The following COL19A1 variants were observed in gnomAD, a reference collection of about 807,000 sequenced individuals.
The protein encoded by COL19A1 is collagen type XIX alpha 1 chain, also known as collagen alpha-1(XIX) chain.
A neutral mutation model predicts 190.2 loss-of-function variants in COL19A1; 159 were observed. The ratio of observed to expected loss-of-function variants is 0.84; its 90% CI spans 0.73 to 0.95. The LOEUF (loss-of-function observed/expected upper bound fraction) is 0.95. Among genes scored for constraint, COL19A1 ranks in the 40% least tolerant of loss-of-function variants. COL19A1 has a pLI of 0.00. For synonymous variants in COL19A1, 509 were observed against 458.9 expected (o/e 1.11, Z -1.39); for missense variants, 1,418 against 1,431.9 (o/e 0.99, Z 0.16).
intron 11 of COL19A1, among the ~76,000 whole-genome samples, chr6:70,002,326 C>A (rs2150085293): frequency 6.6e-6 from 1 of 152,098 alleles, no homozygotes; most frequent in African/African-American, 2.4e-5. Flanking sequence ...CTTAAGTTTT[C>A]TTTTTTTGTT....
At chr6:70,090,752 C>T (rs942002624) in intron 15 of COL19A1, among the ~76,000 whole-genome samples, 22 of 152,228 alleles carry the variant, frequency 1.4e-4, no homozygotes, top group African/African-American at 4.6e-4. Context: ...TAAGACGAAA[C>T]TCCTAACGGC....
intron 1 of COL19A1, among the ~76,000 whole-genome samples, chr6:69,868,046 G>A (rs1265820713): frequency 2.0e-5 from 3 of 151,596 alleles, no homozygotes; most frequent in African/African-American, 7.3e-5. Context: ...CTCTGCTGTA[G>A]GGGAATTTAC....
At chr6:70,139,228 T>A (rs1488969378) in intron 19 of COL19A1, among the ~76,000 whole-genome samples, 1 of 152,104 alleles carries the variant, frequency 6.6e-6, no homozygotes, top group Non-Finnish European at 1.5e-5. Flanking sequence ...GTGTTTCTCA[T>A]AAGCTCTCAG....
intron 11 of COL19A1, among the ~76,000 whole-genome samples, chr6:69,997,315 C>T (rs1369743378): frequency 2.6e-5 from 4 of 152,006 alleles, no homozygotes; most frequent in Non-Finnish European, 4.4e-5. Context: ...GGGGTGATCC[C>T]AACAAAGCCA....
intron 11 of COL19A1, among the ~76,000 whole-genome samples, chr6:69,996,408 A>G (rs1259041718): frequency 6.6e-6 from 1 of 152,174 alleles, no homozygotes; most frequent in Non-Finnish European, 1.5e-5. Flanking sequence ...TTTGACTGCC[A>G]GAGACATAAT....
chr6:70,027,979 T>C (rs1284184469), intron 12 of COL19A1, among the ~76,000 whole-genome samples: 1 of 152,072 alleles, frequency 6.6e-6, no homozygotes, highest in Non-Finnish European at 1.5e-5. Context: ...ATTTGCACCA[T>C]GGAATGATAA....
intron 46 of COL19A1, 75 bp downstream of exon 46, chr6:70,184,990 ATG>A: frequency 7.0e-7 from 1 of 1,422,700 alleles, no homozygotes; most frequent in Non-Finnish European, 9.7e-7. Context: ...TTACACAATT[ATG>A]TGTGTAGACC....
At chr6:69,905,607 C>T (rs1770502509) in intron 4 of COL19A1, among the ~76,000 whole-genome samples, 1 of 152,224 alleles carries the variant, frequency 6.6e-6, no homozygotes, top group Non-Finnish European at 1.5e-5. Flanking sequence ...GGATGGCCTT[C>T]CCATGTTATG....
At chr6:70,160,108 T>C (rs1335559611) in intron 34 of COL19A1, among the ~76,000 whole-genome samples, 1 of 152,122 alleles carries the variant, frequency 6.6e-6, no homozygotes, top group Non-Finnish European at 1.5e-5. Flanking sequence ...TAGTCCATTT[T>C]CACACTGCTA....
At chr6:69,921,434 A>ATTCATATAT (rs1333527522) in intron 4 of COL19A1, among the ~76,000 whole-genome samples, 106 of 78,272 alleles carry the variant, frequency 1.4e-3, no homozygotes, top group Non-Finnish European at 1.7e-3. Context: ...TATCATATAT[A>ATTCATATAT]TCATATATAT....
chr6:70,149,472 A>T (rs764232380), intron 27 of COL19A1, among the ~76,000 whole-genome samples: 1 of 152,084 alleles, frequency 6.6e-6, no homozygotes, highest in East Asian at 1.9e-4. Context: ...AATGATATAG[A>T]TGTCCCAAGT....
rs1783678762 is a variant in COL19A1 at position 70,102,218 on chromosome 6, C to T, written c.1274C>T (p.Pro425Leu). ...CCCGGAAAACCAGGACCCCCAGGACCACCTGTGAGTAAACAATACAATGAC... is the reference window on the plus strand; with the variant it reads ...CCCGGAAAACCAGGACCCCCAGGACTACCTGTGAGTAAACAATACAATGAC... The part of the protein sequence containing the change: ...GPPGKPGPPG[P>L]PGPPGIQGIH... Residue 425 changes from proline to leucine, a missense_variant, in exon 16 of 51, where the codon CCA becomes CTA. Coordinates refer to ENST00000620364, the MANE Select transcript of COL19A1 (RefSeq NM_001858.6). The T allele has an allele frequency of 1.9e-6, 3 of 1,610,812 alleles. No homozygotes were observed. The East Asian group carries it at 6.7e-5, about 36-fold the overall frequency.
intron 15 of COL19A1, among the ~76,000 whole-genome samples, chr6:70,079,155 T>G (rs1782082007): frequency 6.6e-6 from 1 of 152,192 alleles, no homozygotes; most frequent in South Asian, 2.1e-4. Flanking sequence ...GGGAGTGACA[T>G]CAAGGAGATT....
At chr6:70,182,653 C>A in intron 44 of COL19A1, among the ~76,000 whole-genome samples, 1 of 152,106 alleles carries the variant, frequency 6.6e-6, no homozygotes, top group Non-Finnish European at 1.5e-5. Context: ...GTCAAGTGAA[C>A]TGTTTTAAGA....
Position 69,898,955 on chromosome 6 carries a change from A to G in COL19A1, c.99A>G (p.Ser33=), listed in dbSNP as rs1285305591. 1 of 1,607,320 alleles carries G rather than the reference A, an allele frequency of 6.2e-7. No homozygotes were observed. The highest frequency in any genetic ancestry group is 1.3e-5 in the African/African-American group (1 of 74,754). The change falls in exon 3 of 51, where the codon TCA becomes TCG. Residue 33 remains serine (S), a synonymous_variant. Coordinates refer to ENST00000620364, the MANE Select transcript of COL19A1 (RefSeq NM_001858.6). ...TTTTTTCTTTTTAAATAGAAGAGTC[A>G]TGCCCTATCCTGAGAATAGAGGGAC... The part of the protein sequence containing the change: ...SVTVRDKTEE[S]CPILRIEGHQ...
chr6:70,192,382 A>G (rs1583136610), intron 48 of COL19A1, among the ~76,000 whole-genome samples: 2 of 151,862 alleles, frequency 1.3e-5, no homozygotes, highest in Non-Finnish European at 2.9e-5. Flanking sequence ...ACATTTGTCC[A>G]CTCTTTTGTT....
At chr6:70,133,935 C>A (rs1480823366) in intron 18 of COL19A1, among the ~76,000 whole-genome samples, 1 of 152,142 alleles carries the variant, frequency 6.6e-6, no homozygotes, top group Non-Finnish European at 1.5e-5. Context: ...TTTTGTCCTG[C>A]CCCTGTTTAC....
intron 11 of COL19A1, among the ~76,000 whole-genome samples, chr6:69,981,650 AT>A (rs1041537182): frequency 2.0e-5 from 3 of 151,812 alleles, no homozygotes; most frequent in Non-Finnish European, 4.4e-5. Flanking sequence ...TATTATATAT[AT>A]TCTTCATATT....
chr6:70,166,740 C>T (rs1765184755), intron 37 of COL19A1, among the ~76,000 whole-genome samples: 1 of 152,200 alleles, frequency 6.6e-6, no homozygotes, highest in Non-Finnish European at 1.5e-5. Context: ...ATGCTTTGTA[C>T]ACGTAAATGA....
Sources: allele counts gnomAD v4.1 joint callset (sites outside exome capture counted in the v4.1 genomes callset), GRCh38; gene constraint gnomAD v4.1.1; transcripts MANE v1.5; gene names NCBI Gene and HGNC (gene_info 2026-07-23, HGNC 2026-07-21).